The following IGF2R variants were observed in gnomAD, a reference collection of about 807,000 sequenced individuals.
IGF2R encodes insulin like growth factor 2 receptor, also known as cation-independent mannose-6-phosphate receptor.
Under a neutral mutation model 270.6 loss-of-function variants are expected in IGF2R, and 91 were observed. The ratio of observed to expected loss-of-function variants is 0.34; its 90% CI spans 0.28 to 0.40. The LOEUF (loss-of-function observed/expected upper bound fraction) is 0.40, where lower values mean the gene tolerates loss of function less well. IGF2R is among the 10% of genes least tolerant of loss of function. The pLI is 1.00. For synonymous variants in IGF2R, 1,316 were observed against 1,258.9 expected (o/e 1.05, Z -0.96); for missense variants, 2,805 against 3,188.3 (o/e 0.88, Z 2.90).
rs1369695223 is a variant in IGF2R, at chr6:160,010,588, T to C, written c.415-99T>C. 5.3e-6 allele frequency: 4 copies of C among 760,472 alleles called. No individual in the cohort carries two copies. The African/African-American group carries it at 7.1e-5, about 13-fold the overall frequency. The allele number at this position is 760,472 out of a possible 1,614,324, so 47.1% of individuals were successfully genotyped here. On this transcript the variant is annotated intron_variant, in intron 3 of 47. Coordinates refer to ENST00000356956, the MANE Select transcript of IGF2R (RefSeq NM_000876.4). ...CATCCCCTGCCCTTCTTGCTGCTGC[T>C]TTCTTTATTTTAGTAGCCTTTACTG...
intron 26 of IGF2R, 64 bp downstream of exon 26, chr6:160,062,683 T>C: frequency 8.5e-7 from 1 of 1,175,742 alleles, no homozygotes; most frequent in Non-Finnish European, 1.3e-6. Context: ...TTCTGAACGA[T>C]GCCTTAGATA....
At chr6:160,019,327 C>T (rs1777377585) in intron 4 of IGF2R, among the ~76,000 whole-genome samples, 1 of 151,974 alleles carries the variant, frequency 6.6e-6, no homozygotes, top group East Asian at 1.9e-4. Flanking sequence ...CAAAACAAAA[C>T]AAAAACCTCC....
At position 160,079,711 on chromosome 6, in the gene IGF2R, A is replaced by T. The variant is rs901797122; in HGVS notation, c.5610A>T (p.Gln1870His). ...AGGGGGCATCCTTTGGACGGCTGCA[A>T]TCAATGAAACTGGATTACAGGCACC... ...GTKGASFGRLQSMKLDYRHQD... is the reference protein window; with the variant it reads ...GTKGASFGRLHSMKLDYRHQD... The change falls in exon 38 of 48, where the codon CAA (glutamine) becomes CAT (histidine). Residue 1870 changes from glutamine (Q) to histidine (H), a missense_variant. Gln to His is a conservative substitution (Grantham distance 24). Coordinates refer to ENST00000356956, the MANE Select transcript of IGF2R (RefSeq NM_000876.4). The T allele has an allele frequency of 1.3e-6, 2 of 1,509,600 alleles. No homozygotes were observed. The highest frequency in any genetic ancestry group is 1.8e-6 in the Non-Finnish European group (2 of 1,129,544). The allele number at this position is 1,509,600 out of a possible 1,614,324, so 93.5% of individuals were successfully genotyped here. A position where few individuals can be genotyped will look rare whatever the true frequency, so the allele number is the denominator to read the frequency against.
At chr6:160,074,883 T>G (rs988274610) in intron 35 of IGF2R, among the ~76,000 whole-genome samples, 3 of 152,092 alleles carry the variant, frequency 2.0e-5, no homozygotes, top group African/African-American at 7.2e-5. Context: ...ACAAGCTGAG[T>G]CTCCCCAGGA....
chr6:160,013,120 T>G (rs1439564883), intron 4 of IGF2R, among the ~76,000 whole-genome samples: 1 of 152,106 alleles, frequency 6.6e-6, no homozygotes, highest in Admixed American at 6.5e-5. Context: ...TGTTTTTGTT[T>G]TATCTGAGTG....
chr6:160,079,100 C>A (rs933468644), intron 37 of IGF2R, among the ~76,000 whole-genome samples: 2 of 152,150 alleles, frequency 1.3e-5, no homozygotes, highest in African/African-American at 4.8e-5. Context: ...GTGATGGAGC[C>A]CTCTGCCTGG....
intron 34 of IGF2R, 127 bp from the exon 35 acceptor site, chr6:160,073,630 A>G: frequency 1.9e-6 from 2 of 1,079,168 alleles, no homozygotes; most frequent in Non-Finnish European, 2.7e-6. Context: ...GTGCTATGTA[A>G]TGAAGCATTT....
intron 45 of IGF2R, among the ~76,000 whole-genome samples, chr6:160,098,262 G>A (rs1166257228): frequency 6.6e-6 from 1 of 152,126 alleles, no homozygotes; most frequent in Admixed American, 6.5e-5. Flanking sequence ...GGGCTTTGGT[G>A]TTTGACTCTA....
rs117345036 is a variant in IGF2R at position 159,975,152 on chromosome 6, C to T, written c.149+5757C>T. Among the ~76,000 whole-genome samples the T allele has an allele frequency of 9.0e-3, 1,370 of 152,240 alleles. 16 individuals carry two copies. The highest frequency in any genetic ancestry group is 0.013 in the South Asian group (62 of 4,832). On this transcript the variant is annotated intron_variant, in intron 1 of 47. Coordinates refer to ENST00000356956, the MANE Select transcript of IGF2R (RefSeq NM_000876.4). ...CCCCACCCCACACCAGTCACAAGTC[C>T]GGGCCTCTGGAACTTCTGACCAACT...
intron 28 of IGF2R, 53 bp downstream of exon 28, chr6:160,064,584 C>T: frequency 1.9e-6 from 3 of 1,590,712 alleles, no homozygotes; most frequent in Non-Finnish European, 2.6e-6. Flanking sequence ...CCTCAGGCTG[C>T]TGGGATCATA....
chr6:160,081,582 T>A (rs1334790042), intron 39 of IGF2R, among the ~76,000 whole-genome samples: 1 of 152,166 alleles, frequency 6.6e-6, no homozygotes, highest in Non-Finnish European at 1.5e-5. Flanking sequence ...AATTTCCAAA[T>A]CCTAGCAAGC....
At chr6:160,008,890 T>C in intron 2 of IGF2R, 120 bp from the exon 3 acceptor site, 1 of 1,026,626 alleles carries the variant, frequency 9.7e-7, no homozygotes, top group Non-Finnish European at 1.4e-6. Context: ...AAGGACAGTT[T>C]TATAAATTTA....
Position 160,104,715 on chromosome 6 carries a change from G to T in IGF2R, c.7107G>T (p.Trp2369Cys). ...EEETDENETEWLMEEIQLPPP... is the reference protein window; with the variant it reads ...EEETDENETECLMEEIQLPPP... ...AGACAGATGAGAATGAAACAGAGTG[G>T]CTGATGGAAGAGATCCAGCTGCCTC... The change falls in exon 48 of 48, where the codon TGG (tryptophan) becomes TGT (cysteine). Residue 2369 changes from tryptophan to cysteine, a missense_variant. Around this residue, in one of 2 missense-constraint regions of IGF2R, gnomAD observed 1,851 missense variants for 2,207.2 expected, o/e 0.84. Coordinates refer to ENST00000356956, the MANE Select transcript of IGF2R (RefSeq NM_000876.4). The T allele has an allele frequency of 1.9e-6, 3 of 1,614,042 alleles. No individual in the cohort carries two copies. Among genetic ancestry groups the T allele is most frequent in the Non-Finnish European group, 2.5e-6 (3 of 1,179,992 alleles).
chr6:160,096,893 C>G (rs141613568), intron 45 of IGF2R, among the ~76,000 whole-genome samples: 1 of 152,146 alleles, frequency 6.6e-6, no homozygotes, highest in Non-Finnish European at 1.5e-5. Flanking sequence ...TACCATGCCC[C>G]GAATAGGGTC....
chr6:160,036,022 CAGGTTAG>C (rs959190850), intron 10 of IGF2R, among the ~76,000 whole-genome samples: 7 of 152,132 alleles, frequency 4.6e-5, no homozygotes, highest in African/African-American at 1.7e-4. Flanking sequence ...GAACTGCGAG[CAGGTTAG>C]AGGCGTGTAT....
In IGF2R at chr6:160,078,224, C is replaced by A. The variant is rs749143547; in HGVS notation, c.5340C>A (p.Thr1780=). ...VSMGTPKLLR[T]SECDFVFEWE... is the part of the protein sequence containing the mutation. ...AGGGAACGCCTAAGCTGTTAAGGAC[C>A]AGCGAGTGCGACTTTGTGTTCGAAT... Residue 1780 remains threonine, a synonymous_variant, in exon 37 of 48, where the codon ACC becomes ACA. Transcript: ENST00000356956. 7 of 1,614,188 alleles carry A rather than the reference C, an allele frequency of 4.3e-6. No homozygotes were observed. The highest frequency in any genetic ancestry group is 1.7e-5 in the Admixed American group (1 of 60,018).
At chr6:160,045,936 T>C in intron 14 of IGF2R, 54 bp downstream of exon 14, 1 of 1,435,140 alleles carries the variant, frequency 7.0e-7, no homozygotes, top group East Asian at 2.5e-5. Context: ...CACTTAAGGT[T>C]TTTTCCTTAA....
rs546070515 is a variant in IGF2R, at chr6:160,058,635, A to G, written c.2899-271A>G. ...TTCCCTCTCTTATATATGGTACATT[A>G]TTACATGCAGTAGATCTTACACATT... On this transcript the variant is annotated intron_variant, in intron 21 of 47. Transcript: ENST00000356956. Among the ~76,000 whole-genome samples, 3 of 152,336 alleles carry G rather than the reference A, an allele frequency of 2.0e-5. No individual in the cohort carries two copies. The East Asian group carries it at 5.8e-4, about 29-fold the overall frequency.
At chr6:160,047,947 G>A (rs1778106389) in intron 17 of IGF2R, 40 bp downstream of exon 17, 1 of 1,279,980 alleles carries the variant, frequency 7.8e-7, no homozygotes, top group East Asian at 2.3e-5. Flanking sequence ...GCCTGGTACA[G>A]ATGCTGAGGT....
Sources: allele counts gnomAD v4.1 joint callset (sites outside exome capture counted in the v4.1 genomes callset), GRCh38; gene constraint gnomAD v4.1.1; regional missense constraint gnomAD v4.1.1; transcripts MANE v1.5; gene names NCBI Gene and HGNC (gene_info 2026-07-23, HGNC 2026-07-21).